Variants in FANCL observed in about 807,000 individuals in gnomAD.
FANCL encodes E3 ubiquitin-protein ligase FANCL.
Under a neutral mutation model 59.4 loss-of-function variants are expected in FANCL, and 69 were observed. That is an observed-to-expected ratio of 1.16 (90% CI 0.96 to 1.42). The LOEUF is 1.42. Among genes scored for constraint, FANCL ranks in the 40% most tolerant of loss-of-function variants. FANCL has a pLI of 0.00. For synonymous variants in FANCL, 180 were observed against 147.1 expected, an observed-to-expected ratio of 1.22 and a Z score of -1.62; for missense variants, 519 against 447.2, an observed-to-expected ratio of 1.16 and a Z score of -1.45.
chr2:58,221,276 T>C (rs1256631009), intron 5 of FANCL, among the ~76,000 whole-genome samples: 1 of 151,858 alleles, frequency 6.6e-6, no homozygotes, highest in Admixed American at 6.6e-5. Context: ...CACTTAATAA[T>C]AAATGTAATG....
intron 5 of FANCL, among the ~76,000 whole-genome samples, chr2:58,204,919 T>C (rs138058695): frequency 3.7e-4 from 57 of 152,228 alleles, no homozygotes; most frequent in African/African-American, 1.3e-3. Context: ...TGGAAACCAA[T>C]ATCCTTTGAA....
Position 58,222,848 on chromosome 2 carries a change from ATAAT to A in FANCL, c.274-810_274-807del, listed in dbSNP as rs538239224. Among the ~76,000 whole-genome samples, 581 of 152,166 alleles carry A rather than the reference ATAAT, an allele frequency of 3.8e-3. 1 individual carries two copies. Among genetic ancestry groups the A allele is most frequent in the African/African-American group, 0.012 (497 of 41,576 alleles). Reference sequence around the variant, plus strand: ...TATCAAACGGTATTACAAAAAGTAAATAATTAATTAATTAAATAAATCAGCTACA... The same window carrying A: ...TATCAAACGGTATTACAAAAAGTAAATAATTAATTAAATAAATCAGCTACA... On this transcript the variant is annotated intron_variant, in intron 4 of 13. Transcript: ENST00000233741.
intron 7 of FANCL, among the ~76,000 whole-genome samples, chr2:58,196,698 T>C (rs1217167580): frequency 3.3e-5 from 5 of 151,970 alleles, no homozygotes; most frequent in African/African-American, 1.2e-4. Context: ...CTAAACAATC[T>C]TTTCATGGCA....
intron 7 of FANCL, chr2:58,194,413 T>G (rs575409102): frequency 1.7e-4 from 67 of 404,602 alleles, no homozygotes; most frequent in African/African-American, 1.2e-3. Flanking sequence ...AAGGATATAT[T>G]TTGAAGCATT....
chr2:58,163,477 ATGCC>A lies in FANCL; in HGVS notation c.728_731del (p.Arg243IlefsTer17). 6.2e-7 allele frequency: 1 copy of A among 1,610,802 alleles called. No individual in the cohort carries two copies. Among genetic ancestry groups the A allele is most frequent in the East Asian group, 2.2e-5 (1 of 44,804 alleles). ...AGAAGCACTCAGGAAGCATAGTAGG[ATGCC>A]TGGGGTCTACCTCTATATTTATGGA... is the stretch of plus-strand genomic sequence containing the variant. On this transcript the variant is annotated frameshift_variant, in exon 9 of 14. Transcript: ENST00000233741. LOFTEE classifies it high-confidence loss of function.
In FANCL at chr2:58,159,493, A is replaced by C. The variant is rs138006413; in HGVS notation, c.*272T>G. On this transcript the variant is annotated 3_prime_UTR_variant, in exon 14 of 14. Transcript: ENST00000233741. ...AGATTTTACCAGTCCAGATATATTC[A>C]AGAAGTCAAGATCTCCATCTTGGTA... 3.2e-5 allele frequency: 52 copies of C among 1,613,720 alleles called. No individual in the cohort carries two copies. The African/African-American group carries it at 6.0e-4, about 19-fold the overall frequency.
chr2:58,209,247 A>G (rs1007375438), intron 5 of FANCL, among the ~76,000 whole-genome samples: 2 of 152,220 alleles, frequency 1.3e-5, no homozygotes, highest in African/African-American at 2.4e-5. Flanking sequence ...TGTTCCATGT[A>G]TATATGACAA....
At chr2:58,234,450 G>A (rs1407122043) in intron 1 of FANCL, among the ~76,000 whole-genome samples, 4 of 151,098 alleles carry the variant, frequency 2.6e-5, no homozygotes, top group African/African-American at 4.9e-5. Flanking sequence ...GAAAAAGCAA[G>A]AAAATTACCA....
At chr2:58,198,842 T>C (rs1408790139) in intron 6 of FANCL, among the ~76,000 whole-genome samples, 180 bp from the exon 7 acceptor site, 5 of 151,962 alleles carry the variant, frequency 3.3e-5, no homozygotes, top group Admixed American at 6.6e-5. Flanking sequence ...ATCCTGGCTA[T>C]ACGGTGAAAC....
At chr2:58,176,854 T>C (rs1687376406) in intron 7 of FANCL, among the ~76,000 whole-genome samples, 1 of 151,912 alleles carries the variant, frequency 6.6e-6, no homozygotes. Context: ...ACCTACAAAA[T>C]GGGAGAACAT....
At chr2:58,237,872 A>G (rs1008684728) in intron 1 of FANCL, among the ~76,000 whole-genome samples, 1 of 152,220 alleles carries the variant, frequency 6.6e-6, no homozygotes, top group Admixed American at 6.5e-5. Flanking sequence ...CTAAGAGATT[A>G]AAGAGAATGT....
intron 6 of FANCL, among the ~76,000 whole-genome samples, chr2:58,202,190 G>GT (rs1360524127): frequency 1.6e-5 from 2 of 122,670 alleles, no homozygotes; most frequent in Non-Finnish European, 3.2e-5. Flanking sequence ...GAAAGTAAAA[G>GT]TTTGACAATT....
chr2:58,234,125 G>A (rs1693812934), intron 1 of FANCL, among the ~76,000 whole-genome samples: 1 of 151,950 alleles, frequency 6.6e-6, no homozygotes, highest in Non-Finnish European at 1.5e-5. Flanking sequence ...TCAATGCAAA[G>A]CTACTATGAG....
chr2:58,222,827 AAAC>A (rs1299391385), intron 4 of FANCL, among the ~76,000 whole-genome samples: 2 of 152,054 alleles, frequency 1.3e-5, no homozygotes, highest in Non-Finnish European at 2.9e-5. Flanking sequence ...CTGAAGTATC[AAAC>A]GGTATTACAA....
chr2:58,232,303 G>C (rs1351878798), intron 1 of FANCL, among the ~76,000 whole-genome samples, 191 bp from the exon 2 acceptor site: 2 of 152,020 alleles, frequency 1.3e-5, no homozygotes, highest in Non-Finnish European at 2.9e-5. Flanking sequence ...ACTCAAAACT[G>C]TCTTACAAAA....
At chr2:58,220,973 G>A (rs1692416762) in intron 5 of FANCL, among the ~76,000 whole-genome samples, 2 of 152,186 alleles carry the variant, frequency 1.3e-5, no homozygotes, top group Non-Finnish European at 1.5e-5. Flanking sequence ...AGCACTTTGG[G>A]AGGCTGAGGC....
At chr2:58,174,969 A>G (rs1687128445) in intron 7 of FANCL, among the ~76,000 whole-genome samples, 1 of 152,228 alleles carries the variant, frequency 6.6e-6, no homozygotes, top group South Asian at 2.1e-4. Context: ...CCGATCCCAC[A>G]GAAATACAAA....
In FANCL at chr2:58,219,140, T is replaced by TAAAAAAA. The variant is rs70954881; in HGVS notation, c.374+2795_374+2801dup. Among the ~76,000 whole-genome samples, 11 of 16,602 alleles carry TAAAAAAA rather than the reference T, an allele frequency of 6.6e-4. 2 individuals are homozygous for TAAAAAAA. Among genetic ancestry groups the TAAAAAAA allele is most frequent in the Non-Finnish European group, 1.0e-3 (8 of 7,720 alleles). The allele number at this position is 16,602 out of a possible 152,430, so 10.9% of individuals were successfully genotyped here. A position where few individuals can be genotyped will look rare whatever the true frequency, so the allele number is the denominator to read the frequency against. ...TCAGTGCCAGAAAGTAAATACATGC[T>TAAAAAAA]AAAAAAAAAAAAAAAAAAAAAAAAA... On this transcript the variant is annotated intron_variant, in intron 5 of 13. Transcript: ENST00000233741.
intron 1 of FANCL, among the ~76,000 whole-genome samples, chr2:58,234,109 T>C (rs1192560446): frequency 6.6e-6 from 1 of 152,022 alleles, no homozygotes; most frequent in Non-Finnish European, 1.5e-5. Context: ...AAAGATACTG[T>C]CTTCATCAAT....
Sources: allele counts gnomAD v4.1 joint callset (sites outside exome capture counted in the v4.1 genomes callset), GRCh38; gene constraint gnomAD v4.1.1; transcripts MANE v1.5; gene names NCBI Gene and HGNC (gene_info 2026-07-23, HGNC 2026-07-21).